Variants in ABCA10 observed in about 807,000 individuals in gnomAD.
ABCA10 encodes ATP binding cassette subfamily A member 10, also known as ATP-binding cassette sub-family A member 10.
ABCA10 carries 169 observed loss-of-function variants against 187.5 expected under a neutral mutation model. That is an observed-to-expected ratio of 0.90 (90% CI 0.80 to 1.02). ABCA10 has a LOEUF of 1.02. ABCA10 is among the 50% of genes least tolerant of loss of function. The probability of loss-of-function intolerance (pLI) is 0.00; values close to 1 mark genes in which losing one functional copy is unlikely to be tolerated. For synonymous variants in ABCA10, 574 were observed against 601.8 expected (o/e 0.95, Z 0.68); for missense variants, 1,727 against 1,812.4 (o/e 0.95, Z 0.86).
rs143848014 is a variant in ABCA10, at chr17:69,163,088, C to T, written c.3363+986G>A. ...CTGACCTCAGGTGGTCCACCCACCT[C>T]GGCTTCCCAAAGCGCTGGGATTACA... On this transcript the variant is annotated intron_variant, in intron 27 of 38. Transcript: ENST00000690296. 3.1e-4 allele frequency among the ~76,000 whole-genome samples: 47 copies of T among 152,240 alleles called. No homozygotes were observed. In the East Asian group the frequency reaches 3.1e-3, roughly 10 times the overall value.
intron 9 of ABCA10, among the ~76,000 whole-genome samples, chr17:69,213,759 C>G (rs939429330): frequency 2.6e-5 from 4 of 152,194 alleles, no homozygotes; most frequent in Non-Finnish European, 4.4e-5. Context: ...GTTCAACCCC[C>G]TAACCAACCC....
chr17:69,191,223 T>C lies in ABCA10; in HGVS notation c.1964A>G (p.Glu655Gly). The change falls in exon 17 of 39, where the codon GAA (glutamate) becomes GGA (glycine). Residue 655 changes from glutamate (E) to glycine (G), a missense_variant. Glu to Gly is a moderately conservative substitution (Grantham distance 98). Transcript: ENST00000690296. ...PDAKLTTESE[E>G]KLVYSLPLEK... ...CAAAGGCAAACTATATACAAGTTTT[T>C]CTTCACTTTCTGTTGTTAACTTGGC... 6.2e-7 allele frequency: 1 copy of C among 1,603,624 alleles called. No individual in the cohort carries two copies. Among genetic ancestry groups the C allele is most frequent in the Non-Finnish European group, 8.5e-7 (1 of 1,174,314 alleles).
intron 1 of ABCA10, among the ~76,000 whole-genome samples, chr17:69,228,259 T>G (rs754577000): frequency 3.9e-5 from 6 of 151,958 alleles, no homozygotes; most frequent in Non-Finnish European, 8.8e-5. Context: ...GAACTTGCCC[T>G]AATGCTCACA....
In ABCA10 at chr17:69,148,823, C is replaced by T. The variant is rs571728264; in HGVS notation, c.*4G>A. 6.2e-7 allele frequency: 1 copy of T among 1,609,426 alleles called. No individual in the cohort carries two copies. The highest frequency in any genetic ancestry group is 1.1e-5 in the South Asian group (1 of 90,716). On this transcript the variant is annotated 3_prime_UTR_variant, in exon 39 of 39. Transcript: ENST00000690296. ...TAAAATTGAATGTTAGGAGGTTCTT[C>T]ATTTTAAGGGTCTTCCTGTGGGAGA... is the stretch of plus-strand genomic sequence containing the variant.
At chr17:69,150,322 C>T (rs2074118645) in intron 36 of ABCA10, 1 of 344,980 alleles carries the variant, frequency 2.9e-6, no homozygotes, top group Non-Finnish European at 5.3e-6. Context: ...TCAGCCTGCA[C>T]TTTGTTATTG....
intron 11 of ABCA10, among the ~76,000 whole-genome samples, chr17:69,195,909 GAAGA>G (rs775054594): frequency 1.2e-4 from 19 of 152,286 alleles, no homozygotes; most frequent in Non-Finnish European, 2.5e-4. Context: ...TCCCAAGGCA[GAAGA>G]ATTTTTCTTA....
At position 69,174,311 on chromosome 17, in the gene ABCA10, A is replaced by AT. The variant is rs2074317348; in HGVS notation, c.3131dup (p.Asn1044LysfsTer2). 1.2e-6 allele frequency: 2 copies of AT among 1,607,944 alleles called. No homozygotes were observed. Among genetic ancestry groups the AT allele is most frequent in the East Asian group, 2.2e-5 (1 of 44,774 alleles). On this transcript the variant is annotated frameshift_variant, in exon 25 of 39. Coordinates refer to ENST00000690296, the MANE Select transcript of ABCA10 (RefSeq NM_001377321.1). LOFTEE classifies it high-confidence loss of function. ...AAAAGCCAAAAGACCAAAAGCCATTATTTTTTCTCCACTTGCGAAAGATGA... is the reference window on the plus strand; with the variant it reads ...AAAAGCCAAAAGACCAAAAGCCATTATTTTTTTCTCCACTTGCGAAAGATGA...
At chr17:69,244,138 G>T (rs531302179) in intron 1 of ABCA10, among the ~76,000 whole-genome samples, 12 of 152,160 alleles carry the variant, frequency 7.9e-5, no homozygotes, top group African/African-American at 2.9e-4. Flanking sequence ...GTGATAATGT[G>T]TAAGTTAAAG....
At chr17:69,232,730 A>G (rs902827593), upstream of ABCA10, among the ~76,000 whole-genome samples, 3 of 152,172 alleles carry the variant, frequency 2.0e-5, no homozygotes, top group African/African-American at 7.2e-5. Context: ...AGCATTTCTT[A>G]TAGGACAGGT....
At chr17:69,193,413 T>C in intron 14 of ABCA10, 80 bp downstream of exon 14, 1 of 1,533,412 alleles carries the variant, frequency 6.5e-7, no homozygotes, top group Non-Finnish European at 8.8e-7. Context: ...CATTTGGTAA[T>C]TACAGTAGAA....
upstream of ABCA10, among the ~76,000 whole-genome samples, chr17:69,232,257 A>T (rs1387806372): frequency 6.6e-6 from 1 of 152,090 alleles, no homozygotes; most frequent in Non-Finnish European, 1.5e-5. Flanking sequence ...TTGATAGATG[A>T]GGGCTTACTG....
intron 1 of ABCA10, among the ~76,000 whole-genome samples, chr17:69,242,153 T>C (rs1435684247): frequency 2.0e-5 from 3 of 152,214 alleles, no homozygotes; most frequent in Non-Finnish European, 4.4e-5. Context: ...CACTGATGTA[T>C]GAGAATTTAA....
chr17:69,173,913 C>T (rs140453847), intron 25 of ABCA10, among the ~76,000 whole-genome samples: 1 of 152,124 alleles, frequency 6.6e-6, no homozygotes, highest in Admixed American at 6.6e-5. Context: ...AAAAACATCA[C>T]TGAGTTGAGA....
intron 1 of ABCA10, among the ~76,000 whole-genome samples, chr17:69,239,808 G>A (rs2074893543): frequency 6.6e-6 from 1 of 152,170 alleles, no homozygotes; most frequent in Non-Finnish European, 1.5e-5. Flanking sequence ...GCTGTATAGT[G>A]ACGTTGGCGT....
At chr17:69,183,071 GT>G (rs1254061122) in intron 20 of ABCA10, among the ~76,000 whole-genome samples, 2 of 152,266 alleles carry the variant, frequency 1.3e-5, no homozygotes, top group South Asian at 2.1e-4. Context: ...GGTGAAAAGA[GT>G]TTATGAAAAT....
intron 33 of ABCA10, 26 bp from the exon 34 acceptor site, chr17:69,153,425 G>A: frequency 1.2e-6 from 2 of 1,613,490 alleles, no homozygotes; most frequent in Non-Finnish European, 1.7e-6. Context: ...CAGCCCGTCG[G>A]CACCCAGCCA....
chr17:69,149,999 A>G lies in ABCA10; in HGVS notation c.4462T>C (p.Phe1488Leu). 6.2e-7 allele frequency: 1 copy of G among 1,612,364 alleles called. No individual in the cohort carries two copies. The highest frequency in any genetic ancestry group is 8.5e-7 in the Non-Finnish European group (1 of 1,178,810). The change falls in exon 37 of 39, where the codon TTC becomes CTC. Residue 1488 changes from phenylalanine (F) to leucine (L), a missense_variant. Coordinates refer to ENST00000690296, the MANE Select transcript of ABCA10 (RefSeq NM_001377321.1). ...CCAAACTTACTCGCCTCTAACTTGA[A>G]AAAGGCCCGAGATAGAGGGTGGACA... ...EDVHPLSRAFFKLEAMKQTFN... is the reference protein window; with the variant it reads ...EDVHPLSRAFLKLEAMKQTFN...
intron 9 of ABCA10, among the ~76,000 whole-genome samples, chr17:69,207,422 A>G (rs2074599787): frequency 6.6e-6 from 1 of 152,222 alleles, no homozygotes; most frequent in African/African-American, 2.4e-5. Context: ...ATTACACTGA[A>G]GAGATATCTG....
At chr17:69,149,916 T>C (rs1265825677) in intron 37 of ABCA10, 68 bp downstream of exon 37, 2 of 1,182,214 alleles carry the variant, frequency 1.7e-6, no homozygotes, top group Non-Finnish European at 2.4e-6. Flanking sequence ...TCAAATTACA[T>C]AGTCTATATT....
Sources: allele counts gnomAD v4.1 joint callset (sites outside exome capture counted in the v4.1 genomes callset), GRCh38; gene constraint gnomAD v4.1.1; transcripts MANE v1.5; gene names NCBI Gene and HGNC (gene_info 2026-07-23, HGNC 2026-07-21).